Variants in CTNNBL1 observed in about 807,000 individuals in gnomAD.
CTNNBL1 encodes beta-catenin-like protein 1.
A neutral mutation model predicts 72.7 loss-of-function variants in CTNNBL1; 31 were observed. The observed-to-expected ratio is 0.43, with a 90% CI of 0.32 to 0.58. CTNNBL1 has a LOEUF of 0.58. Ranked by LOEUF, CTNNBL1 falls within the 20% of genes least tolerant of loss-of-function variation. The pLI, the probability that CTNNBL1 is intolerant of heterozygous loss-of-function variation, is 0.08. For synonymous variants in CTNNBL1, 240 were observed against 267.3 expected (o/e 0.90, Z 1.00); for missense variants, 534 against 725.1 (o/e 0.74, Z 3.03).
At chr20:37,772,031 T>C (rs2073529452) in intron 7 of CTNNBL1, among the ~76,000 whole-genome samples, 1 of 152,250 alleles carries the variant, frequency 6.6e-6, no homozygotes, top group South Asian at 2.1e-4. Flanking sequence ...TTCTAGCATC[T>C]ACCCGTAACT....
intron 9 of CTNNBL1, among the ~76,000 whole-genome samples, chr20:37,777,953 G>A (rs991508421): frequency 6.6e-6 from 1 of 152,120 alleles, no homozygotes; most frequent in African/African-American, 2.4e-5. Flanking sequence ...ATATGATATT[G>A]TCAACTCAAA....
intron 13 of CTNNBL1, among the ~76,000 whole-genome samples, chr20:37,850,232 G>A (rs1318031745): frequency 6.6e-6 from 1 of 151,900 alleles, no homozygotes; most frequent in Non-Finnish European, 1.5e-5. Flanking sequence ...TTTAGAAATT[G>A]ACTGAATTTA....
At position 37,777,695 on chromosome 20, in the gene CTNNBL1, CT is replaced by C. The variant is rs2073588443; in HGVS notation, c.867del (p.Leu290PhefsTer20). 6.2e-7 allele frequency: 1 copy of C among 1,613,582 alleles called. No individual in the cohort carries two copies. The highest frequency in any genetic ancestry group is 8.5e-7 in the Non-Finnish European group (1 of 1,179,734). The stretch of plus-strand genomic sequence containing the variant: ...TGGGGAGCTGGATGGAATCGATGTG[CT>C]TCTTCAGCAGTTATCCGTGAGTAAT... ...LLGELDGIDV[L>X]LQQLSVFKRH... is the part of the protein sequence containing the mutation. On this transcript the variant is annotated frameshift_variant, in exon 9 of 16. Transcript: ENST00000361383. LOFTEE classifies it high-confidence loss of function.
chr20:37,851,873 G>C (rs1489882569), intron 13 of CTNNBL1, among the ~76,000 whole-genome samples: 7 of 152,224 alleles, frequency 4.6e-5, no homozygotes, highest in Non-Finnish European at 1.0e-4. Context: ...AGAACTAATA[G>C]AGAAGGCCTG....
At chr20:37,739,621 C>T (rs113476467) in intron 3 of CTNNBL1, among the ~76,000 whole-genome samples, 1 of 152,238 alleles carries the variant, frequency 6.6e-6, no homozygotes, top group Admixed American at 6.5e-5. Flanking sequence ...TTTAAATTCT[C>T]CCCCCAGCAG....
chr20:37,763,963 G>A (rs1204175030), intron 5 of CTNNBL1, among the ~76,000 whole-genome samples: 1 of 152,094 alleles, frequency 6.6e-6, no homozygotes, highest in East Asian at 1.9e-4. Flanking sequence ...GTAGACTTGG[G>A]GTATACAAAG....
In CTNNBL1 at chr20:37,728,413, A is replaced by G. The variant is rs556686089; in HGVS notation, c.31-4466A>G. ...CATCTGTGGCCTGTACTATATTTCA[A>G]TTGAACACTGTTCTAGATTGTTAAG... On this transcript the variant is annotated intron_variant, in intron 1 of 15. Coordinates refer to ENST00000361383, the MANE Select transcript of CTNNBL1 (RefSeq NM_030877.5). Among the ~76,000 whole-genome samples, 35 of 152,330 alleles carry G rather than the reference A, an allele frequency of 2.3e-4. No homozygotes were observed. In the South Asian group the frequency reaches 4.8e-3, roughly 21 times the overall value.
chr20:37,785,783 C>T lies in CTNNBL1; in HGVS notation c.1031+6448C>T, dbSNP rs113861889. 3.3e-3 allele frequency among the ~76,000 whole-genome samples: 500 copies of T among 152,224 alleles called. 7 individuals are homozygous for T. Among genetic ancestry groups the T allele is most frequent in the African/African-American group, 0.011 (450 of 41,532 alleles). On this transcript the variant is annotated intron_variant, in intron 10 of 15. Transcript: ENST00000361383. ...TTTGTTGAGGTCATGTTTTCTTGGACGGTCTTGATGCTTATGGATCTTTGT... is the reference window on the plus strand; with the variant it reads ...TTTGTTGAGGTCATGTTTTCTTGGATGGTCTTGATGCTTATGGATCTTTGT...
intron 10 of CTNNBL1, among the ~76,000 whole-genome samples, chr20:37,787,377 C>T (rs2073686105): frequency 7.1e-6 from 1 of 140,892 alleles, no homozygotes; most frequent in African/African-American, 2.6e-5. Context: ...CGGAGTCTCG[C>T]TCTGTCGCCC....
intron 14 of CTNNBL1, 48 bp downstream of exon 14, chr20:37,860,084 C>G: frequency 3.2e-6 from 5 of 1,586,774 alleles, no homozygotes; most frequent in Non-Finnish European, 4.3e-6. Context: ...TGCCTCCTTC[C>G]TCGCCAGCTG....
At chr20:37,850,958 G>A (rs76505427) in intron 13 of CTNNBL1, among the ~76,000 whole-genome samples, 2 of 152,174 alleles carry the variant, frequency 1.3e-5, no homozygotes, top group African/African-American at 4.8e-5. Context: ...AATGACATCC[G>A]CATGCTTATT....
At chr20:37,825,347 C>A (rs1437617838) in intron 11 of CTNNBL1, among the ~76,000 whole-genome samples, 1 of 148,374 alleles carries the variant, frequency 6.7e-6, no homozygotes, top group Non-Finnish European at 1.5e-5. Context: ...AATGAGACTC[C>A]GTCTCAAAAA....
chr20:37,696,817 T>C (rs527823721), intron 1 of CTNNBL1, among the ~76,000 whole-genome samples: 67 of 152,278 alleles, frequency 4.4e-4, no homozygotes, highest in South Asian at 2.3e-3. Context: ...TTACGATATA[T>C]TGGATTAAAG....
chr20:37,860,157 A>G lies in CTNNBL1; in HGVS notation c.1531-115A>G, dbSNP rs528961038. On this transcript the variant is annotated intron_variant, in intron 14 of 15. Coordinates refer to ENST00000361383, the MANE Select transcript of CTNNBL1 (RefSeq NM_030877.5). ...CGCTCTCCTTGAATTCCTTTACTCT[A>G]CATCAGCCTTTTGTTTCAGGGATGG... 150 of 1,480,132 alleles carry G rather than the reference A, an allele frequency of 1.0e-4. No individual in the cohort carries two copies. In the African/African-American group the frequency reaches 1.7e-3, roughly 17 times the overall value. 91.7% of individuals were successfully genotyped at this position (1,480,132 alleles called of 1,614,324 possible).
intron 11 of CTNNBL1, among the ~76,000 whole-genome samples, chr20:37,837,168 C>T (rs1015779287): frequency 6.6e-6 from 1 of 152,182 alleles, no homozygotes; most frequent in African/African-American, 2.4e-5. Context: ...CCCTGAAGTG[C>T]ATCTTCACAG....
intron 10 of CTNNBL1, among the ~76,000 whole-genome samples, chr20:37,788,707 A>G (rs2073699456): frequency 6.6e-6 from 1 of 152,250 alleles, no homozygotes; most frequent in Non-Finnish European, 1.5e-5. Context: ...TTCTTCCGTT[A>G]TCCTCCCAGG....
chr20:37,718,733 G>GCAAAGTT (rs2073015811), intron 1 of CTNNBL1, among the ~76,000 whole-genome samples: 1 of 152,240 alleles, frequency 6.6e-6, no homozygotes, highest in African/African-American at 2.4e-5. Flanking sequence ...ATTGCAGATA[G>GCAAAGTT]GCAAGGAACA....
chr20:37,726,506 AAT>A (rs888997127), intron 1 of CTNNBL1, among the ~76,000 whole-genome samples: 114 of 152,282 alleles, frequency 7.5e-4, no homozygotes, highest in African/African-American at 2.5e-3. Flanking sequence ...CTATTCTATT[AAT>A]ATAAAGAGAG....
In CTNNBL1 at chr20:37,721,582, T is replaced by G. The variant is rs116824038; in HGVS notation, c.31-11297T>G. 8.7e-3 allele frequency among the ~76,000 whole-genome samples: 1,329 copies of G among 152,290 alleles called. 19 individuals carry two copies. Among genetic ancestry groups the G allele is most frequent in the African/African-American group, 0.031 (1,271 of 41,546 alleles). ...TGCCAAATTTACTTCAGATCTTACT[T>G]TAAGAAATAAAACATTGTAAATACA... On this transcript the variant is annotated intron_variant, in intron 1 of 15. Transcript: ENST00000361383.
Sources: gnomAD v4.1 joint callset for allele counts (sites outside exome capture counted in the v4.1 genomes callset) on GRCh38, gnomAD v4.1.1 for gene constraint, MANE v1.5 for transcripts, NCBI Gene and HGNC (gene_info 2026-07-23, HGNC 2026-07-21) for gene names.